MYRIP: variants seen among roughly 807,000 people sequenced by gnomAD.
MYRIP encodes the protein rab effector MyRIP.
Under a neutral mutation model 98.0 loss-of-function variants are expected in MYRIP, and 49 were observed. That is an observed-to-expected ratio of 0.50 (90% CI 0.40 to 0.63). The LOEUF (loss-of-function observed/expected upper bound fraction) is 0.63, where lower values mean the gene tolerates loss of function less well. Among genes scored for constraint, MYRIP ranks in the 30% least tolerant of loss-of-function variants. The pLI, the probability that MYRIP is intolerant of heterozygous loss-of-function variation, is 0.00. For synonymous variants in MYRIP, 404 were observed against 409.5 expected (o/e 0.99, Z 0.16); for missense variants, 1,004 against 1,058.2 (o/e 0.95, Z 0.71).
intron 3 of MYRIP, among the ~76,000 whole-genome samples, chr3:40,150,305 G>A (rs1310974040): frequency 6.6e-6 from 1 of 152,034 alleles, no homozygotes; most frequent in Non-Finnish European, 1.5e-5. Flanking sequence ...TGGCCAGGCT[G>A]GTCTCAAACT....
At chr3:39,849,746 G>A (rs1322794225) in intron 1 of MYRIP, among the ~76,000 whole-genome samples, 2 of 152,278 alleles carry the variant, frequency 1.3e-5, no homozygotes, top group African/African-American at 4.8e-5. Flanking sequence ...TTCTTCTACA[G>A]TGTAGAGAGA....
chr3:40,072,477 G>T (rs924807994), intron 3 of MYRIP, among the ~76,000 whole-genome samples: 3 of 152,148 alleles, frequency 2.0e-5, no homozygotes, highest in Non-Finnish European at 2.9e-5. Context: ...AAAGTGCTAT[G>T]ATTACAGGCA....
chr3:39,885,580 C>A (rs1247215944), intron 1 of MYRIP, among the ~76,000 whole-genome samples: 1 of 151,968 alleles, frequency 6.6e-6, no homozygotes, highest in Non-Finnish European at 1.5e-5. Context: ...TGGATAATAT[C>A]CCGCAGAGTG....
At chr3:39,843,457 A>G (rs1429293381) in intron 1 of MYRIP, among the ~76,000 whole-genome samples, 1 of 152,184 alleles carries the variant, frequency 6.6e-6, no homozygotes, top group Non-Finnish European at 1.5e-5. Context: ...ACAAAAAAGG[A>G]TCAGATTAGA....
At chr3:40,042,841 A>T (rs1947572152) in intron 2 of MYRIP, among the ~76,000 whole-genome samples, 3 of 152,160 alleles carry the variant, frequency 2.0e-5, no homozygotes. Flanking sequence ...AATAAACCTA[A>T]CCTACTGAAC....
In MYRIP at chr3:40,100,003, C is replaced by G. The variant is rs190938363; in HGVS notation, c.333-51045C>G. 7.2e-5 allele frequency: 71 copies of G among 985,270 alleles called. No homozygotes were observed. The East Asian group carries it at 5.9e-3, about 82-fold the overall frequency. 61.0% of individuals were successfully genotyped at this position (985,270 alleles called of 1,614,324 possible). A position where few individuals can be genotyped will look rare whatever the true frequency, so the allele number is the denominator to read the frequency against. ...GCTCTCCGTCACCTCCCTTCTGAAACTGGTAATAGAAACGAGCAGTAGCAC... is the reference window on the plus strand; with the variant it reads ...GCTCTCCGTCACCTCCCTTCTGAAAGTGGTAATAGAAACGAGCAGTAGCAC... On this transcript the variant is annotated intron_variant, in intron 3 of 16. Transcript: ENST00000302541.
At chr3:40,228,507 G>A (rs1200622777) in intron 11 of MYRIP, among the ~76,000 whole-genome samples, 1 of 152,092 alleles carries the variant, frequency 6.6e-6, no homozygotes, top group Non-Finnish European at 1.5e-5. Flanking sequence ...TAAAGTGGCA[G>A]TCCCCTCGCC....
chr3:40,111,700 C>T (rs1489728052), intron 3 of MYRIP, among the ~76,000 whole-genome samples: 2 of 151,774 alleles, frequency 1.3e-5, no homozygotes, highest in East Asian at 3.9e-4. Flanking sequence ...TAAGATGGTT[C>T]AGCTTTTATC....
At chr3:40,176,442 C>T (rs1950760326) in intron 8 of MYRIP, among the ~76,000 whole-genome samples, 1 of 152,048 alleles carries the variant, frequency 6.6e-6, no homozygotes, top group African/African-American at 2.4e-5. Flanking sequence ...AAGACATGAA[C>T]AAACAGCATA....
At chr3:39,976,994 A>G (rs1945769588) in intron 2 of MYRIP, among the ~76,000 whole-genome samples, 1 of 152,204 alleles carries the variant, frequency 6.6e-6, no homozygotes, top group African/African-American at 2.4e-5. Flanking sequence ...ATGTATACAT[A>G]TGTAACTAAC....
At chr3:40,132,145 T>C (rs1172761383) in intron 3 of MYRIP, among the ~76,000 whole-genome samples, 1 of 152,104 alleles carries the variant, frequency 6.6e-6, no homozygotes, top group Non-Finnish European at 1.5e-5. Flanking sequence ...AGGGAAGACA[T>C]TGAGACACCA....
chr3:40,041,430 G>A (rs976697214), intron 2 of MYRIP, among the ~76,000 whole-genome samples: 6 of 149,398 alleles, frequency 4.0e-5, no homozygotes, highest in African/African-American at 1.5e-4. Context: ...TGATTACGAC[G>A]CACTGACGAC....
At chr3:39,966,161 G>C (rs537204714) in intron 2 of MYRIP, among the ~76,000 whole-genome samples, 2 of 152,212 alleles carry the variant, frequency 1.3e-5, no homozygotes, top group African/African-American at 4.8e-5. Context: ...TTTCTGAAGG[G>C]CTCTGTCCAA....
intron 3 of MYRIP, among the ~76,000 whole-genome samples, chr3:40,148,755 C>G (rs1342707380): frequency 6.6e-6 from 1 of 151,872 alleles, no homozygotes; most frequent in Non-Finnish European, 1.5e-5. Flanking sequence ...TTTCTTTCTT[C>G]TTATGCCATT....
intron 12 of MYRIP, among the ~76,000 whole-genome samples, chr3:40,242,780 G>A (rs1271358382): frequency 6.6e-6 from 1 of 151,906 alleles, no homozygotes; most frequent in Non-Finnish European, 1.5e-5. Flanking sequence ...TGTAGATAGG[G>A]AAAAGTATTA....
chr3:39,867,605 G>A (rs373061769), intron 1 of MYRIP, among the ~76,000 whole-genome samples: 2 of 152,124 alleles, frequency 1.3e-5, no homozygotes, highest in African/African-American at 4.8e-5. Flanking sequence ...GAGATATCTT[G>A]TCACCCCTAT....
intron 1 of MYRIP, among the ~76,000 whole-genome samples, chr3:39,829,642 C>T (rs1941380847): frequency 3.3e-5 from 5 of 152,046 alleles, no homozygotes; most frequent in Non-Finnish European, 7.4e-5. Flanking sequence ...AGTCCTGGCT[C>T]AATGGGGTTG....
intron 1 of MYRIP, among the ~76,000 whole-genome samples, chr3:39,899,720 C>T (rs1270511169): frequency 6.6e-6 from 1 of 152,138 alleles, no homozygotes; most frequent in African/African-American, 2.4e-5. Context: ...CACTTCCCAC[C>T]AACATTTGAT....
chr3:39,911,716 A>G (rs1230980698), intron 2 of MYRIP, among the ~76,000 whole-genome samples: 3 of 152,252 alleles, frequency 2.0e-5, no homozygotes, highest in Non-Finnish European at 4.4e-5. Context: ...CTGAAAACGC[A>G]GAGGAGGTAA....
Sources: gnomAD v4.1 joint callset for allele counts (sites outside exome capture counted in the v4.1 genomes callset) on GRCh38, gnomAD v4.1.1 for gene constraint, MANE v1.5 for transcripts, NCBI Gene and HGNC (gene_info 2026-07-23, HGNC 2026-07-21) for gene names.